SPG7: variants seen among roughly 807,000 people sequenced by gnomAD.
SPG7 encodes SPG7 matrix AAA peptidase subunit, paraplegin, also known as mitochondrial inner membrane m-AAA protease component paraplegin.
SPG7 carries 103 observed loss-of-function variants against 81.9 expected under a neutral mutation model. The ratio of observed to expected loss-of-function variants is 1.26; its 90% CI spans 1.07 to 1.48. SPG7 has a LOEUF of 1.48. Ranked by LOEUF, SPG7 falls within the 40% of genes most tolerant of loss-of-function variation. The pLI, the probability that SPG7 is intolerant of heterozygous loss-of-function variation, is 0.00. For missense variants in SPG7, 1,241 were observed against 1,087.3 expected, an observed-to-expected ratio of 1.14 and a Z score of -1.99; for synonymous variants, 534 against 444.2, an observed-to-expected ratio of 1.20 and a Z score of -2.54.
intron 9 of SPG7, chr16:89,538,339 C>G (rs559533988): frequency 6.6e-6 from 1 of 152,234 alleles, no homozygotes; most frequent in African/African-American, 2.4e-5. Context: ...AAAATCTTGA[C>G]AAGAGCCATT....
rs969799867 is a variant in SPG7 at position 89,532,015 on chromosome 16, C to T, written c.1099C>T (p.Gln367Ter). 1.2e-6 allele frequency: 2 copies of T among 1,613,800 alleles called. No individual in the cohort carries two copies. The highest frequency in any genetic ancestry group is 2.2e-5 in the South Asian group (2 of 91,068). Residue 367 changes from glutamine to a stop codon, truncating the protein, a stop_gained, in exon 8 of 17, where the codon CAG becomes TAG. Coordinates refer to ENST00000645818, the MANE Select transcript of SPG7 (RefSeq NM_003119.4). LOFTEE classifies it high-confidence loss of function. ...GGCCAAGGCGGTGGCCACGGAGGCT[C>T]AGGTGCCCTTCCTGGCGATGGCCGG... The part of the protein sequence containing the change: ...LLAKAVATEA[Q>*]VPFLAMAGPE...
At chr16:89,514,569 C>G (rs886219077) in intron 3 of SPG7, 3 of 152,008 alleles carry the variant, frequency 2.0e-5, no homozygotes, top group African/African-American at 7.3e-5. Flanking sequence ...GGCACAATCT[C>G]GGCTCACTGC....
rs1024252786 is a variant in SPG7 at position 89,545,320 on chromosome 16, C to T, written c.1449+548C>T. On this transcript the variant is annotated intron_variant, in intron 10 of 16. Transcript: ENST00000645818. Reference sequence around the variant, plus strand: ...CTTCCTGGCCAAAGGGCCTTTGTTGCTGCCCTGAGGGAGCAGGAGTTCAGC... The same window carrying T: ...CTTCCTGGCCAAAGGGCCTTTGTTGTTGCCCTGAGGGAGCAGGAGTTCAGC... 3 of 231,822 alleles carry T rather than the reference C, an allele frequency of 1.3e-5. No homozygotes were observed. In the Admixed American group the frequency reaches 1.6e-4, roughly 12 times the overall value. The allele number at this position is 231,822 out of a possible 1,614,324, so 14.4% of individuals were successfully genotyped here.
chr16:89,534,580 G>A (rs1474518442), intron 9 of SPG7, among the ~76,000 whole-genome samples: 1 of 152,236 alleles, frequency 6.6e-6, no homozygotes, highest in African/African-American at 2.4e-5. Flanking sequence ...TTGACTTCCT[G>A]TTTTCTTTGT....
At position 89,549,894 on chromosome 16, in the gene SPG7, C is replaced by G. The variant is rs139952169; in HGVS notation, c.1664-600C>G. ...CTTGCCCCGACCCTGTGGCACCCCC[C>G]CAACCATGGGGCAGGAGGAGACACT... On this transcript the variant is annotated intron_variant, in intron 12 of 16. Coordinates refer to ENST00000645818, the MANE Select transcript of SPG7 (RefSeq NM_003119.4). The G allele has an allele frequency of 1.2e-3, 209 of 174,826 alleles. 2 individuals are homozygous for G. The East Asian group carries it at 0.026, about 22-fold the overall frequency. 10.8% of individuals were successfully genotyped at this position (174,826 alleles called of 1,614,324 possible).
At chr16:89,542,711 C>T (rs993763894) in intron 9 of SPG7, among the ~76,000 whole-genome samples, 3 of 152,114 alleles carry the variant, frequency 2.0e-5, no homozygotes, top group Non-Finnish European at 2.9e-5. Context: ...CCCTCAGCCT[C>T]CTCAGAGCGT....
intron 16 of SPG7, 84 bp downstream of exon 16, chr16:89,554,647 T>C (rs1352667970): frequency 7.8e-6 from 7 of 893,676 alleles, no homozygotes; most frequent in South Asian, 1.4e-5. Flanking sequence ...TCGTGAAGTA[T>C]TTCCAAGGCA....
intron 3 of SPG7, among the ~76,000 whole-genome samples, chr16:89,516,140 A>G (rs2058093456): frequency 6.6e-6 from 1 of 152,046 alleles, no homozygotes; most frequent in Non-Finnish European, 1.5e-5. Flanking sequence ...GGCATGCAAC[A>G]CCAAGCCCAG....
At chr16:89,528,260 C>T (rs2058291626) in intron 5 of SPG7, among the ~76,000 whole-genome samples, 1 of 151,870 alleles carries the variant, frequency 6.6e-6, no homozygotes, top group Non-Finnish European at 1.5e-5. Flanking sequence ...GGTGCGGTGG[C>T]GGGTGCCTGT....
intron 16 of SPG7, 100 bp from the exon 17 acceptor site, chr16:89,556,787 G>T: frequency 1.1e-6 from 1 of 948,186 alleles, no homozygotes; most frequent in Non-Finnish European, 1.7e-6. Context: ...TGGGTGTCCT[G>T]CACACAGACA....
chr16:89,532,453 GTCCCCT>G lies in SPG7; in HGVS notation c.1151-9_1151-4del. 4 of 1,613,250 alleles carry G rather than the reference GTCCCCT, an allele frequency of 2.5e-6. No individual in the cohort carries two copies. The South Asian group carries it at 4.4e-5, about 18-fold the overall frequency. ...CTGCCCATTTCCTGATTCTCTCTGTGTCCCCTCAGGCCTCGGCGCTGCCCGTGTGCG... is the reference window on the plus strand; with the variant it reads ...CTGCCCATTTCCTGATTCTCTCTGTGCAGGCCTCGGCGCTGCCCGTGTGCG... On this transcript the variant is annotated splice_region_variant and splice_polypyrimidine_tract_variant and intron_variant, in intron 8 of 16. Transcript: ENST00000645818.
chr16:89,514,030 CTG>C (rs532931634), intron 3 of SPG7, among the ~76,000 whole-genome samples: 136 of 152,192 alleles, frequency 8.9e-4, no homozygotes, highest in African/African-American at 3.3e-3. Flanking sequence ...CAGCTTTACT[CTG>C]TGAGAGAGGA....
At chr16:89,509,358 C>T (rs1045115908) in intron 1 of SPG7, among the ~76,000 whole-genome samples, 5 of 152,106 alleles carry the variant, frequency 3.3e-5, no homozygotes, top group African/African-American at 7.2e-5. Context: ...TCAAGCGATT[C>T]TCCTGCCTCA....
chr16:89,532,946 G>C (rs2058365189), intron 9 of SPG7: 7 of 393,028 alleles, frequency 1.8e-5, no homozygotes, highest in South Asian at 1.5e-4. Context: ...AGCCGGGTGT[G>C]GTGGCAGGTG....
chr16:89,523,850 T>C, intron 3 of SPG7, 156 bp from the exon 4 acceptor site: 1 of 978,818 alleles, frequency 1.0e-6, no homozygotes, highest in Admixed American at 2.0e-5. Flanking sequence ...TCTTTGTCTC[T>C]GATAACGTCA....
intron 12 of SPG7, 194 bp downstream of exon 12, chr16:89,548,307 C>G (rs978751816): frequency 2.3e-5 from 13 of 570,386 alleles, no homozygotes; most frequent in Middle Eastern, 4.6e-4. Flanking sequence ...CACAGATTTA[C>G]CTAAGAGTAG....
rs200459021 is a variant in SPG7, at chr16:89,536,957, A to G, written c.1324+4321A>G. The G allele has an allele frequency of 5.1e-4, 829 of 1,614,112 alleles. No individual in the cohort carries two copies. Among genetic ancestry groups the G allele is most frequent in the Non-Finnish European group, 2.6e-4 (312 of 1,180,014 alleles). ...GTGACTTGAGCCCAAAGGCAAGCGT[A>G]TATCAAACGATCTTCTCCACATAAC... On this transcript the variant is annotated intron_variant, in intron 9 of 16. Transcript: ENST00000645818.
chr16:89,546,829 G>C, intron 11 of SPG7, 69 bp downstream of exon 11: 1 of 1,000,066 alleles, frequency 1.0e-6, no homozygotes, highest in Non-Finnish European at 1.6e-6. Context: ...TGCGCAAACA[G>C]CATCGAGGCC....
chr16:89,514,262 C>G (rs908186373), intron 3 of SPG7: 1 of 144,490 alleles, frequency 6.9e-6, no homozygotes, highest in South Asian at 2.2e-4. Flanking sequence ...GATTTCAGGG[C>G]TCTTTCCCTG....
Sources: allele counts gnomAD v4.1 joint callset (sites outside exome capture counted in the v4.1 genomes callset), GRCh38; gene constraint gnomAD v4.1.1; transcripts MANE v1.5; gene names NCBI Gene and HGNC (gene_info 2026-07-23, HGNC 2026-07-21).